The following HIP1 variants were observed in gnomAD, a reference collection of about 807,000 sequenced individuals.
HIP1 encodes the protein huntingtin-interacting protein 1.
A neutral mutation model predicts 147.6 loss-of-function variants in HIP1; 65 were observed. That is an observed-to-expected ratio of 0.44 (90% CI 0.36 to 0.54). HIP1 has a LOEUF of 0.54. Ranked by LOEUF, HIP1 falls within the 20% of genes least tolerant of loss-of-function variation. The pLI, the probability that HIP1 is intolerant of heterozygous loss-of-function variation, is 0.00. For missense variants in HIP1, 1,061 were observed against 1,299.6 expected (o/e 0.82, Z 2.82); for synonymous variants, 479 against 504.0 (o/e 0.95, Z 0.67).
intron 1 of HIP1, among the ~76,000 whole-genome samples, chr7:75,637,990 CCCCACACACACACATACACACACACACA>C (rs1309575859): frequency 9.9e-4 from 43 of 43,538 alleles, no homozygotes; most frequent in African/African-American, 3.2e-3. Context: ...CCCCCCCCCC[CCCCACACACACACATACACACACACACA>C]CACACACACA....
Position 75,562,188 on chromosome 7 carries a change from G to A in HIP1, c.1021-18C>T, listed in dbSNP as rs781970825. ...AATAAATTCTGTGGTTGACCAAAAA[G>A]GAGTGAGAATAAGTCAGAGAGCCAG... On this transcript the variant is annotated intron_variant, in intron 11 of 30. Transcript: ENST00000336926. 1 of 1,551,476 alleles carries A rather than the reference G, an allele frequency of 6.4e-7. No individual in the cohort carries two copies. The highest frequency in any genetic ancestry group is 8.9e-7 in the Non-Finnish European group (1 of 1,123,014).
At chr7:75,732,648 T>C (rs1554523177) in intron 1 of HIP1, among the ~76,000 whole-genome samples, 1 of 152,192 alleles carries the variant, frequency 6.6e-6, no homozygotes, top group Non-Finnish European at 1.5e-5. Flanking sequence ...CCCAAAATGC[T>C]GGGATGATAA....
intron 1 of HIP1, among the ~76,000 whole-genome samples, chr7:75,730,492 A>T (rs1244363711): frequency 6.6e-6 from 1 of 151,892 alleles, no homozygotes; most frequent in East Asian, 1.9e-4. Flanking sequence ...GGCGCACGCC[A>T]CCACGCCCAG....
chr7:75,562,866 T>C (rs1276031991), intron 11 of HIP1, 69 bp downstream of exon 11: 4 of 1,530,394 alleles, frequency 2.6e-6, no homozygotes, highest in Non-Finnish European at 3.6e-6. Flanking sequence ...GGCCAGGGTC[T>C]CCCCCAGCCT....
chr7:75,564,328 C>T (rs1351269406), intron 9 of HIP1, among the ~76,000 whole-genome samples: 1 of 146,642 alleles, frequency 6.8e-6, no homozygotes, highest in Non-Finnish European at 1.5e-5. Flanking sequence ...GAGTGTCGCT[C>T]TTATTGCCCA....
chr7:75,547,133 G>T, intron 24 of HIP1, 101 bp from the exon 25 acceptor site: 1 of 946,536 alleles, frequency 1.1e-6, no homozygotes, highest in South Asian at 1.5e-5. Flanking sequence ...AGCTTGGAAT[G>T]GGAAAGGGAG....
chr7:75,584,162 C>T (rs1290604302), intron 5 of HIP1, among the ~76,000 whole-genome samples: 1 of 151,614 alleles, frequency 6.6e-6, no homozygotes, highest in Non-Finnish European at 1.5e-5. Flanking sequence ...TGGGGTTTCA[C>T]CATGTTGCCC....
At chr7:75,601,816 C>A (rs1263980003) in intron 1 of HIP1, among the ~76,000 whole-genome samples, 1 of 151,962 alleles carries the variant, frequency 6.6e-6, no homozygotes, top group African/African-American at 2.4e-5. Context: ...AAAATGCTGA[C>A]CCCTTGTCCA....
intron 1 of HIP1, chr7:75,611,966 C>T (rs1280810266): frequency 1.3e-6 from 1 of 775,836 alleles, no homozygotes; most frequent in Non-Finnish European, 1.6e-6. Flanking sequence ...ACCCTCTGGC[C>T]TTGCTTGTGT....
chr7:75,643,267 G>T (rs1798705393), intron 1 of HIP1, among the ~76,000 whole-genome samples: 1 of 152,208 alleles, frequency 6.6e-6, no homozygotes, highest in South Asian at 2.1e-4. Context: ...AATGCTAGCA[G>T]TAGGCGTCTA....
intron 1 of HIP1, among the ~76,000 whole-genome samples, chr7:75,716,485 G>A (rs1371522957): frequency 1.3e-5 from 2 of 148,624 alleles, no homozygotes; most frequent in Non-Finnish European, 3.0e-5. Context: ...GCCTCCCAAA[G>A]TGCTAGGATT....
At chr7:75,574,005 CT>C (rs1795743944) in intron 7 of HIP1, 104 bp from the exon 8 acceptor site, 1 of 921,120 alleles carries the variant, frequency 1.1e-6, no homozygotes, top group Non-Finnish European at 1.7e-6. Flanking sequence ...AGGACCGATT[CT>C]GTGCGTGCTT....
At chr7:75,706,817 A>G (rs1801022181) in intron 1 of HIP1, among the ~76,000 whole-genome samples, 1 of 90,822 alleles carries the variant, frequency 1.1e-5, no homozygotes, top group Non-Finnish European at 2.1e-5. Flanking sequence ...AGAGTGTGAT[A>G]TTCCCCTTCC....
chr7:75,644,796 G>C (rs1554510895), intron 1 of HIP1, among the ~76,000 whole-genome samples: 1 of 152,122 alleles, frequency 6.6e-6, no homozygotes, highest in Non-Finnish European at 1.5e-5. Context: ...CTCCCCATGG[G>C]AACGCCTGCA....
intron 1 of HIP1, among the ~76,000 whole-genome samples, chr7:75,658,734 G>A (rs782524820): frequency 1.4e-4 from 22 of 151,898 alleles, no homozygotes; most frequent in Non-Finnish European, 2.9e-4. Context: ...TGGCAACGCG[G>A]CAAAACCCTG....
chr7:75,611,085 G>C (rs1279549829), intron 1 of HIP1, among the ~76,000 whole-genome samples: 1 of 88,996 alleles, frequency 1.1e-5, no homozygotes, highest in Non-Finnish European at 1.9e-5. Flanking sequence ...TTTGTATTTT[G>C]TATTTTTTTT....
intron 7 of HIP1, among the ~76,000 whole-genome samples, chr7:75,574,119 C>T (rs1246920715): frequency 1.3e-5 from 2 of 152,182 alleles, no homozygotes; most frequent in African/African-American, 4.8e-5. Context: ...CTTGAAGGCT[C>T]TCACAAAGTC....
intron 1 of HIP1, among the ~76,000 whole-genome samples, chr7:75,611,197 T>G (rs1401687046): frequency 1.3e-5 from 2 of 151,728 alleles, no homozygotes; most frequent in Non-Finnish European, 2.9e-5. Flanking sequence ...CCAGGTGCGG[T>G]GGCTCATACC....
intron 30 of HIP1, among the ~76,000 whole-genome samples, chr7:75,538,605 C>T (rs1197479843): frequency 5.2e-5 from 7 of 133,848 alleles, no homozygotes; most frequent in Non-Finnish European, 7.8e-5. Flanking sequence ...GATGGAGTCT[C>T]GCTCTGTTGC....
Sources: allele counts gnomAD v4.1 joint callset (sites outside exome capture counted in the v4.1 genomes callset), GRCh38; gene constraint gnomAD v4.1.1; transcripts MANE v1.5; gene names NCBI Gene and HGNC (gene_info 2026-07-23, HGNC 2026-07-21).